Variants in RHOU observed in about 807,000 individuals in gnomAD.
RHOU encodes the protein rho-related GTP-binding protein RhoU.
In RHOU, 8 loss-of-function variants were observed where a neutral mutation model predicts 12.6. The ratio of observed to expected loss-of-function variants is 0.64; its 90% CI spans 0.37 to 1.15. RHOU has a LOEUF of 1.15. RHOU is among the 50% of genes most tolerant of loss of function. The probability of loss-of-function intolerance (pLI) is 0.01; values close to 1 mark genes in which losing one functional copy is unlikely to be tolerated. For missense variants in RHOU, 258 were observed against 347.0 expected, an observed-to-expected ratio of 0.74 and a Z score of 2.04; for synonymous variants, 161 against 147.4, an observed-to-expected ratio of 1.09 and a Z score of -0.67.
At chr1:228,731,439 T>C (rs1344118956), upstream of RHOU, among the ~76,000 whole-genome samples, 1 of 152,004 alleles carries the variant, frequency 6.6e-6, no homozygotes, top group Non-Finnish European at 1.5e-5. Context: ...TGAGTGGGTG[T>C]GGGACAGTTC....
the RHOU span, among the ~76,000 whole-genome samples, chr1:228,674,395 G>A: frequency 1.4e-5 from 2 of 145,898 alleles, no homozygotes; most frequent in Non-Finnish European, 3.0e-5. Flanking sequence ...CACCCAGGCT[G>A]GAGCGCAGTG....
chr1:228,709,536 G>A, the RHOU span, among the ~76,000 whole-genome samples: 40 of 149,598 alleles, frequency 2.7e-4, no homozygotes, highest in Admixed American at 6.7e-4. Flanking sequence ...CATGGAAACT[G>A]AACAACCTGC....
the RHOU span, among the ~76,000 whole-genome samples, chr1:228,696,021 G>A: frequency 3.9e-5 from 6 of 152,094 alleles, no homozygotes; most frequent in South Asian, 2.1e-4. Flanking sequence ...AGGATTTTAC[G>A]AATTATATGC....
At chr1:228,735,470 G>A (rs537163135), upstream of RHOU, 26 of 236,268 alleles carry the variant, frequency 1.1e-4, 1 homozygote, top group Admixed American at 1.5e-3. The surrounding 1 kb of genome is among the most constrained non-coding windows in gnomAD (Gnocchi z 8.1). Context: ...CGGGAAGCCG[G>A]GCGGAGACAG....
At chr1:228,652,547 A>G in the RHOU span, 4 of 152,242 alleles carry the variant, frequency 2.6e-5, no homozygotes, top group Non-Finnish European at 4.4e-5. Context: ...TGTATTATGA[A>G]TGGGGCAACA....
At chr1:228,733,849 T>A (rs553655804), upstream of RHOU, among the ~76,000 whole-genome samples, 62 of 152,340 alleles carry the variant, frequency 4.1e-4, no homozygotes, top group Admixed American at 5.9e-4. Flanking sequence ...TATCCTGTCA[T>A]CACAGCCAGG....
At chr1:228,719,484 C>G in the RHOU span, among the ~76,000 whole-genome samples, 1 of 152,198 alleles carries the variant, frequency 6.6e-6, no homozygotes, top group Non-Finnish European at 1.5e-5. Context: ...AGTCCCCGCA[C>G]TTTGGAAAGC....
the RHOU span, among the ~76,000 whole-genome samples, chr1:228,704,769 C>CT: frequency 6.6e-6 from 1 of 151,756 alleles, no homozygotes; most frequent in African/African-American, 2.4e-5. Flanking sequence ...GTCACTTAAG[C>CT]TTTTTATTTG....
In RHOU at chr1:228,735,685, A is replaced by G. The variant is rs1202835985; in HGVS notation, c.-58A>G. 1.7e-6 allele frequency: 2 copies of G among 1,172,320 alleles called. No homozygotes were observed. The highest frequency in any genetic ancestry group is 1.1e-6 in the Non-Finnish European group (1 of 948,434). The allele number at this position is 1,172,320 out of a possible 1,614,324, so 72.6% of individuals were successfully genotyped here. A position where few individuals can be genotyped will look rare whatever the true frequency, so the allele number is the denominator to read the frequency against. The stretch of plus-strand genomic sequence containing the variant: ...TCCCTACCGCAACCCTCCGGGGCGG[A>G]GGGGCGGTCGGGCCGGGCCCTGCTA... On this transcript the variant is annotated 5_prime_UTR_variant, in exon 1 of 3. Transcript: ENST00000366691. The surrounding 1 kb of genome is among the most constrained non-coding windows in gnomAD (Gnocchi z 8.1).
chr1:228,695,312 T>G, the RHOU span, among the ~76,000 whole-genome samples: 2 of 152,174 alleles, frequency 1.3e-5, no homozygotes, highest in African/African-American at 2.4e-5. Flanking sequence ...AACTGTTTTT[T>G]TCTCTGATCT....
the RHOU span, among the ~76,000 whole-genome samples, chr1:228,699,643 G>A: frequency 2.1e-5 from 3 of 145,590 alleles, no homozygotes; most frequent in South Asian, 2.1e-4. Flanking sequence ...AAGGCAATCC[G>A]GTCAATTAAG....
At chr1:228,669,785 G>T in the RHOU span, among the ~76,000 whole-genome samples, 1 of 152,134 alleles carries the variant, frequency 6.6e-6, no homozygotes, top group Non-Finnish European at 1.5e-5. Context: ...TATCATTTTA[G>T]CTACTTCATT....
chr1:228,650,878 C>G, the RHOU span: 1 of 391,828 alleles, frequency 2.6e-6, no homozygotes, highest in Non-Finnish European at 5.0e-6. Flanking sequence ...GGCTGTGAGG[C>G]CTGCAAGACC....
At chr1:228,731,307 G>A (rs1662491048), upstream of RHOU, among the ~76,000 whole-genome samples, 1 of 152,224 alleles carries the variant, frequency 6.6e-6, no homozygotes, top group Admixed American at 6.5e-5. Flanking sequence ...GTTTGGTGTG[G>A]AGGTCTGCTT....
rs2102721064 is a variant in RHOU at position 228,745,696 on chromosome 1, G to GTC, written c.*1959_*1960dup. Reference sequence around the variant, plus strand: ...CTTAAAATAGACCTAACTGAATACAGTCTCATCTTGCCGCGCCTGGCTTAC... The same window carrying GTC: ...CTTAAAATAGACCTAACTGAATACAGTCTCTCATCTTGCCGCGCCTGGCTTAC... On this transcript the variant is annotated 3_prime_UTR_variant, in exon 3 of 3. Transcript: ENST00000366691. 6.6e-6 allele frequency: 1 copy of GTC among 152,312 alleles called. No homozygotes were observed. The highest frequency in any genetic ancestry group is 2.1e-4 in the South Asian group (1 of 4,824). 9.4% of individuals were successfully genotyped at this position (152,312 alleles called of 1,614,324 possible).
the RHOU span, among the ~76,000 whole-genome samples, chr1:228,667,024 C>G: frequency 2.6e-5 from 4 of 152,138 alleles, no homozygotes; most frequent in African/African-American, 9.7e-5. Context: ...TTTTAACTAT[C>G]GAAAGCTCTC....
the RHOU span, among the ~76,000 whole-genome samples, chr1:228,667,340 G>A: frequency 6.6e-6 from 1 of 152,364 alleles, no homozygotes; most frequent in Non-Finnish European, 1.5e-5. Context: ...GGAGGGATCA[G>A]TAACTGCCTG....
chr1:228,722,268 TAATAC>T, the RHOU span, among the ~76,000 whole-genome samples: 4 of 152,194 alleles, frequency 2.6e-5, no homozygotes, highest in African/African-American at 9.7e-5. Context: ...TGGCTTTACT[TAATAC>T]TTTCTAGCTC....
chr1:228,736,970 A>C (rs1260721582), intron 1 of RHOU, among the ~76,000 whole-genome samples: 1 of 121,460 alleles, frequency 8.2e-6, no homozygotes, highest in Non-Finnish European at 1.6e-5. Context: ...GACTAGTATA[A>C]ATATTTAGAA....
Sources: gnomAD v4.1 joint callset for allele counts (sites outside exome capture counted in the v4.1 genomes callset) on GRCh38, gnomAD v4.1.1 for gene constraint, Gnocchi (gnomAD v3.1) non-coding constraint, MANE v1.5 for transcripts, NCBI Gene and HGNC (gene_info 2026-07-23, HGNC 2026-07-21) for gene names.